Variants in INPP4B observed in about 807,000 individuals in gnomAD.
The protein encoded by INPP4B is inositol polyphosphate 4-phosphatase type II.
INPP4B carries 55 observed loss-of-function variants against 122.5 expected under a neutral mutation model. The observed-to-expected ratio is 0.45, with a 90% confidence interval of 0.36 to 0.56. The LOEUF is 0.56. Among genes scored for constraint, INPP4B ranks in the 20% least tolerant of loss-of-function variants. INPP4B has a pLI of 0.00. For missense variants in INPP4B, 1,000 were observed against 1,097.7 expected (o/e 0.91, Z 1.26); for synonymous variants, 403 against 388.7 (o/e 1.04, Z -0.43).
At chr4:142,821,225 A>G (rs537086733) in intron 1 of INPP4B, among the ~76,000 whole-genome samples, 151 of 152,148 alleles carry the variant, frequency 9.9e-4, no homozygotes, top group Non-Finnish European at 1.8e-3. Context: ...AAGATATACT[A>G]TTTATTACAC....
intron 1 of INPP4B, among the ~76,000 whole-genome samples, chr4:142,772,993 C>CTGAG (rs1773322216): frequency 6.6e-6 from 1 of 152,056 alleles, no homozygotes; most frequent in South Asian, 2.1e-4. Flanking sequence ...TTGCAGTGAG[C>CTGAG]TGAGATTGCA....
chr4:142,576,869 A>G (rs1733967267), intron 2 of INPP4B, among the ~76,000 whole-genome samples: 1 of 152,046 alleles, frequency 6.6e-6, no homozygotes, highest in Non-Finnish European at 1.5e-5. Flanking sequence ...GGTTTATGCT[A>G]TTTGTAAACA....
At chr4:142,038,085 T>C (rs533086471) in intron 25 of INPP4B, among the ~76,000 whole-genome samples, 3 of 152,314 alleles carry the variant, frequency 2.0e-5, no homozygotes, top group African/African-American at 7.2e-5. Context: ...GTCCAGGAAG[T>C]TAAATAACTC....
intron 2 of INPP4B, among the ~76,000 whole-genome samples, chr4:142,519,679 T>C (rs1325032405): frequency 2.0e-5 from 3 of 152,178 alleles, no homozygotes; most frequent in Non-Finnish European, 4.4e-5. Flanking sequence ...ATAAAAATGC[T>C]AAAGTACTAA....
At chr4:142,760,955 ACTAGACCTAGCAAC>A (rs1370833610) in intron 1 of INPP4B, among the ~76,000 whole-genome samples, 2 of 152,120 alleles carry the variant, frequency 1.3e-5, no homozygotes. Context: ...CAAAATGAAC[ACTAGACCTAGCAAC>A]CTGGTCTCAC....
chr4:142,611,478 C>T (rs1742483978), intron 2 of INPP4B, among the ~76,000 whole-genome samples: 1 of 151,856 alleles, frequency 6.6e-6, no homozygotes, highest in East Asian at 1.9e-4. Context: ...ATATAACATA[C>T]TCATAACTAT....
chr4:142,421,502 C>G (rs774749869), intron 5 of INPP4B, among the ~76,000 whole-genome samples: 1 of 151,976 alleles, frequency 6.6e-6, no homozygotes, highest in Admixed American at 6.6e-5. Flanking sequence ...TGTTTAAAGA[C>G]TTGTGTTCAT....
At chr4:142,158,024 G>T (rs187407884) in intron 17 of INPP4B, among the ~76,000 whole-genome samples, 18 of 152,082 alleles carry the variant, frequency 1.2e-4, no homozygotes, top group Admixed American at 5.2e-4. Context: ...TCCTTCTCTT[G>T]TAAGGACCTT....
chr4:142,721,154 A>G (rs1249263165), intron 2 of INPP4B, among the ~76,000 whole-genome samples: 2 of 151,932 alleles, frequency 1.3e-5, no homozygotes, highest in African/African-American at 4.8e-5. Context: ...CAATTCCCTC[A>G]AAGACTTTAG....
chr4:142,571,883 G>A (rs566359649), intron 2 of INPP4B, among the ~76,000 whole-genome samples: 1 of 152,064 alleles, frequency 6.6e-6, no homozygotes, highest in South Asian at 2.1e-4. Flanking sequence ...AGCAGTGCCT[G>A]GTATATAGAA....
intron 20 of INPP4B, among the ~76,000 whole-genome samples, chr4:142,122,988 A>C (rs1393587109): frequency 3.3e-5 from 5 of 152,092 alleles, no homozygotes; most frequent in Non-Finnish European, 7.4e-5. Context: ...AGTTCTAGAC[A>C]TTACAGGGTT....
intron 1 of INPP4B, among the ~76,000 whole-genome samples, chr4:142,812,099 A>G (rs564638340): frequency 6.6e-6 from 1 of 152,274 alleles, no homozygotes; most frequent in South Asian, 2.1e-4. Flanking sequence ...TTAAAATCTA[A>G]TGAGAGATAG....
intron 9 of INPP4B, among the ~76,000 whole-genome samples, chr4:142,298,056 T>A (rs536778239): frequency 1.3e-5 from 2 of 152,230 alleles, no homozygotes; most frequent in East Asian, 3.9e-4. Context: ...AAGTCTGGTA[T>A]GAAAGTCCTG....
chr4:142,589,578 C>T (rs547211908), intron 2 of INPP4B, among the ~76,000 whole-genome samples: 6 of 152,176 alleles, frequency 3.9e-5, no homozygotes, highest in African/African-American at 1.4e-4. Context: ...AACAAGATAC[C>T]TCTACATGCC....
intron 2 of INPP4B, among the ~76,000 whole-genome samples, chr4:142,481,767 T>C (rs1820577305): frequency 6.6e-6 from 1 of 152,146 alleles, no homozygotes; most frequent in African/African-American, 2.4e-5. Context: ...AGCCAATAGA[T>C]GGTTCTGTGA....
At chr4:142,567,578 G>T (rs1000141968) in intron 2 of INPP4B, among the ~76,000 whole-genome samples, 1 of 152,126 alleles carries the variant, frequency 6.6e-6, no homozygotes. Context: ...ACATGAAAAT[G>T]TTGAATAAAT....
chr4:142,667,537 G>A, intron 2 of INPP4B, among the ~76,000 whole-genome samples: 1 of 152,254 alleles, frequency 6.6e-6, no homozygotes, highest in Middle Eastern at 3.4e-3. Flanking sequence ...CTTACAAATT[G>A]CATAGAAAAA....
chr4:142,142,985 T>C (rs1275208510), intron 18 of INPP4B, among the ~76,000 whole-genome samples: 2 of 152,090 alleles, frequency 1.3e-5, no homozygotes, highest in East Asian at 1.9e-4. Flanking sequence ...GGCAGACCTA[T>C]GAAGGAGAAG....
At chr4:142,092,441 C>A (rs1316254841) in intron 23 of INPP4B, among the ~76,000 whole-genome samples, 1 of 152,160 alleles carries the variant, frequency 6.6e-6, no homozygotes, top group African/African-American at 2.4e-5. Context: ...CAGGCACCCG[C>A]CATCATGCCT....
Sources: gnomAD v4.1 joint callset for allele counts (sites outside exome capture counted in the v4.1 genomes callset) on GRCh38, gnomAD v4.1.1 for gene constraint, MANE v1.5 for transcripts, NCBI Gene and HGNC (gene_info 2026-07-23, HGNC 2026-07-21) for gene names.